SLC16A9: variants seen among roughly 807,000 people sequenced by gnomAD.
SLC16A9 encodes the protein solute carrier family 16 member 9.
A neutral mutation model predicts 44.3 loss-of-function variants in SLC16A9; 26 were observed. That is an observed-to-expected ratio of 0.59 (90% CI 0.43 to 0.81). The LOEUF is 0.81. SLC16A9 is among the 40% of genes least tolerant of loss of function. The pLI is 0.00. For synonymous variants in SLC16A9, 230 were observed against 225.1 expected, an observed-to-expected ratio of 1.02 and a Z score of -0.19; for missense variants, 559 against 595.8, an observed-to-expected ratio of 0.94 and a Z score of 0.64.
intron 1 of SLC16A9, among the ~76,000 whole-genome samples, chr10:59,692,008 T>C (rs1588990044): frequency 6.6e-6 from 1 of 152,254 alleles, no homozygotes; most frequent in Non-Finnish European, 1.5e-5. Flanking sequence ...TATCTTTCCC[T>C]AATAACCCCC....
chr10:59,689,889 C>T (rs906969867), intron 1 of SLC16A9, among the ~76,000 whole-genome samples: 6 of 152,072 alleles, frequency 3.9e-5, no homozygotes, highest in Non-Finnish European at 7.4e-5. Flanking sequence ...TCTTATTATC[C>T]TCCCTTCTTC....
At position 59,654,563 on chromosome 10, in the gene SLC16A9, C is replaced by T; in HGVS notation, c.463G>A (p.Ala155Thr). Residue 155 changes from alanine to threonine, a missense_variant, in exon 5 of 6, where the codon GCT (alanine) becomes ACT (threonine). Physicochemically the swap from Ala to Thr is moderately conservative, Grantham distance 58. Coordinates refer to ENST00000395348, the MANE Select transcript of SLC16A9 (RefSeq NM_194298.3). ...TGSSVGLFIY[A>T]ALQRMLVEFY... ...TCAACCAGCATCCTCTGCAGAGCAGCATATATGAAAAGGCCAACGCTTGAA... is the reference window on the plus strand; with the variant it reads ...TCAACCAGCATCCTCTGCAGAGCAGTATATATGAAAAGGCCAACGCTTGAA... 1 of 1,593,454 alleles carries T rather than the reference C, an allele frequency of 6.3e-7. No homozygotes were observed. Among genetic ancestry groups the T allele is most frequent in the Non-Finnish European group, 8.5e-7 (1 of 1,174,536 alleles).
chr10:59,693,893 A>G (rs1840308497), intron 1 of SLC16A9, among the ~76,000 whole-genome samples: 1 of 150,704 alleles, frequency 6.6e-6, no homozygotes, highest in Admixed American at 6.6e-5. Context: ...CTGGGATTAC[A>G]GGCGTGAGCC....
intron 4 of SLC16A9, among the ~76,000 whole-genome samples, chr10:59,662,633 CAAAAAAAAAAA>C (rs71006278): frequency 2.3e-5 from 1 of 43,632 alleles, no homozygotes; most frequent in Non-Finnish European, 4.1e-5. Context: ...AACTCCATCT[CAAAAAAAAAAA>C]AAAAAAAAAG....
intron 1 of SLC16A9, among the ~76,000 whole-genome samples, chr10:59,697,745 A>AT (rs1840429246): frequency 1.3e-5 from 2 of 148,196 alleles, no homozygotes; most frequent in African/African-American, 5.2e-5. Flanking sequence ...AAATAAAATA[A>AT]AAAATAAATA....
At chr10:59,675,811 A>G (rs575222637) in intron 2 of SLC16A9, among the ~76,000 whole-genome samples, 5 of 152,346 alleles carry the variant, frequency 3.3e-5, no homozygotes, top group African/African-American at 1.2e-4. Flanking sequence ...GAGAGAAGGA[A>G]AAACCCCAGA....
chr10:59,672,810 G>A lies in SLC16A9; in HGVS notation c.300C>T (p.Pro100=), dbSNP rs1468518432. 4.3e-6 allele frequency: 7 copies of A among 1,613,420 alleles called. No individual in the cohort carries two copies. The highest frequency in any genetic ancestry group is 2.2e-5 in the East Asian group (1 of 44,856). Residue 100 remains proline (P), a synonymous_variant, in exon 3 of 6, where the codon CCC becomes CCT. Transcript: ENST00000395348. ...AGGLMLSSFA[P]NIYFLFFSYG... is the part of the protein sequence containing the mutation. Reference sequence around the variant, plus strand: ...AGGAAAAAAACAGAAAGTAGATATTGGGAGCAAAACTGCTCAACATCAGGC... The same window carrying A: ...AGGAAAAAAACAGAAAGTAGATATTAGGAGCAAAACTGCTCAACATCAGGC...
chr10:59,653,609 C>T, intron 5 of SLC16A9, 66 bp downstream of exon 5: 2 of 1,360,274 alleles, frequency 1.5e-6, no homozygotes, highest in East Asian at 4.6e-5. Context: ...CAATCTGGAC[C>T]TCTATATCTG....
Position 59,683,047 on chromosome 10 carries a change from T to C in SLC16A9, c.196+1049A>G, listed in dbSNP as rs148104328. ...CCCTTTACAATTCAGGAGAGAAGCA[T>C]ATTTAAAAGAAGGAATGACTAATGC... On this transcript the variant is annotated intron_variant, in intron 2 of 5. Coordinates refer to ENST00000395348, the MANE Select transcript of SLC16A9 (RefSeq NM_194298.3). 3.3e-3 allele frequency among the ~76,000 whole-genome samples: 506 copies of C among 152,254 alleles called. 1 individual carries two copies. The highest frequency in any genetic ancestry group is 0.012 in the African/African-American group (483 of 41,546).
chr10:59,668,173 T>C (rs1349679198), intron 3 of SLC16A9, among the ~76,000 whole-genome samples: 1 of 152,146 alleles, frequency 6.6e-6, no homozygotes, highest in African/African-American at 2.4e-5. Flanking sequence ...ATAGTTCTCA[T>C]CATGTCATAC....
At chr10:59,703,844 A>G (rs1394155980) in intron 1 of SLC16A9, among the ~76,000 whole-genome samples, 1 of 151,092 alleles carries the variant, frequency 6.6e-6, no homozygotes, top group African/African-American at 2.4e-5. Flanking sequence ...TCAGCCTCCC[A>G]GGTAGCTGGG....
chr10:59,664,162 G>C (rs1395777663), intron 4 of SLC16A9, 65 bp downstream of exon 4: 21 of 1,131,952 alleles, frequency 1.9e-5, no homozygotes, highest in Non-Finnish European at 2.6e-5. Context: ...GTCTGTGCTT[G>C]GTAACTTTTT....
rs940575774 is a variant in SLC16A9 at position 59,650,883 on chromosome 10, A to G, written c.*1889T>C. 6.6e-6 allele frequency: 1 copy of G among 152,208 alleles called. No homozygotes were observed. The highest frequency in any genetic ancestry group is 2.1e-4 in the South Asian group (1 of 4,832). 9.4% of individuals were successfully genotyped at this position (152,208 alleles called of 1,614,324 possible). On this transcript the variant is annotated 3_prime_UTR_variant, in exon 6 of 6. Transcript: ENST00000395348. ...AAGATGCCTTTGGACAATTATCAGC[A>G]TTGATGAATATGAAGATGTCACATC...
At chr10:59,691,741 C>G (rs762781669) in intron 1 of SLC16A9, among the ~76,000 whole-genome samples, 33 of 152,134 alleles carry the variant, frequency 2.2e-4, no homozygotes, top group Non-Finnish European at 3.8e-4. Context: ...AGTTCCAGCA[C>G]CTTCGATTAT....
At chr10:59,669,204 G>T (rs1839690690) in intron 3 of SLC16A9, among the ~76,000 whole-genome samples, 1 of 152,174 alleles carries the variant, frequency 6.6e-6, no homozygotes, top group South Asian at 2.1e-4. Flanking sequence ...GAAATTATTA[G>T]AAAGAGGCTT....
At chr10:59,703,604 CTT>C (rs1411276510) in intron 1 of SLC16A9, among the ~76,000 whole-genome samples, 1 of 152,122 alleles carries the variant, frequency 6.6e-6, no homozygotes, top group African/African-American at 2.4e-5. Context: ...ATTTTGGAAA[CTT>C]TGGCACCACT....
intron 2 of SLC16A9, among the ~76,000 whole-genome samples, chr10:59,674,063 G>A (rs1325634433): frequency 6.6e-6 from 1 of 152,154 alleles, no homozygotes; most frequent in African/African-American, 2.4e-5. Context: ...CAAACTTGCG[G>A]GGTATTGCTC....
rs1190226001 is a variant in SLC16A9 at position 59,681,688 on chromosome 10, ATG to A, written c.196+2406_196+2407del. On this transcript the variant is annotated intron_variant, in intron 2 of 5. Transcript: ENST00000395348. Reference sequence around the variant, plus strand: ...GATGTATATGTATATGTATATGTATATGTATATATATATGTATATGTATATGT... The same window carrying A: ...GATGTATATGTATATGTATATGTATATATATATATATGTATATGTATATGT... 1.5e-4 allele frequency among the ~76,000 whole-genome samples: 5 copies of A among 33,932 alleles called. 2 individuals carry two copies. The highest frequency in any genetic ancestry group is 8.3e-4 in the African/African-American group (5 of 6,044). The allele number at this position is 33,932 out of a possible 152,430, so 22.3% of individuals were successfully genotyped here. A position where few individuals can be genotyped will look rare whatever the true frequency, so the allele number is the denominator to read the frequency against.
At chr10:59,701,082 T>C (rs1477515224) in intron 1 of SLC16A9, among the ~76,000 whole-genome samples, 1 of 152,152 alleles carries the variant, frequency 6.6e-6, no homozygotes, top group Non-Finnish European at 1.5e-5. Flanking sequence ...CCCCTCAAAC[T>C]CAATTCTTAA....
Sources: gnomAD v4.1 joint callset for allele counts (sites outside exome capture counted in the v4.1 genomes callset) on GRCh38, gnomAD v4.1.1 for gene constraint, MANE v1.5 for transcripts, NCBI Gene and HGNC (gene_info 2026-07-23, HGNC 2026-07-21) for gene names.